The following CD8B2 variants were observed in gnomAD, a reference collection of about 807,000 sequenced individuals.
CD8B2 encodes CD8B family member 2, also known as T-cell surface glycoprotein CD8 beta-2 chain.
CD8B2 carries 11 observed loss-of-function variants against 23.7 expected under a neutral mutation model. That is an observed-to-expected ratio of 0.46 (90% CI 0.29 to 0.77). The LOEUF is 0.77. Ranked by LOEUF, CD8B2 falls within the 30% of genes least tolerant of loss-of-function variation. The pLI is 0.09. For synonymous variants in CD8B2, 90 were observed against 109.3 expected (o/e 0.82, Z 1.10); for missense variants, 197 against 270.5 (o/e 0.73, Z 1.91).
At position 106,494,030 on chromosome 2, in the gene CD8B2, C is replaced by T. The variant is rs568872671; in HGVS notation, c.404-2143C>T. 7.6e-4 allele frequency among the ~76,000 whole-genome samples: 115 copies of T among 152,282 alleles called. No homozygotes were observed. The South Asian group carries it at 0.022, about 29-fold the overall frequency. On this transcript the variant is annotated intron_variant, in intron 2 of 5. Coordinates refer to ENST00000643224, the MANE Select transcript of CD8B2 (RefSeq NM_001349727.2). Reference sequence around the variant, plus strand: ...GCAGACAAACAGATCGTGTTCTCTCCGCTTTCCAGAGGAGGCTCAGAGAGG... The same window carrying T: ...GCAGACAAACAGATCGTGTTCTCTCTGCTTTCCAGAGGAGGCTCAGAGAGG...
At chr2:106,505,588 C>T (rs1255696972) in intron 5 of CD8B2, among the ~76,000 whole-genome samples, 1 of 152,152 alleles carries the variant, frequency 6.6e-6, no homozygotes, top group Admixed American at 6.5e-5. Context: ...AACGGACAAA[C>T]AAAATGTATT....
At chr2:106,516,916 A>C (rs973639634) in intron 5 of CD8B2, among the ~76,000 whole-genome samples, 1 of 148,340 alleles carries the variant, frequency 6.7e-6, no homozygotes, top group African/African-American at 2.4e-5. Context: ...ATAATATATG[A>C]AATAGTATAT....
chr2:106,539,886 G>C (rs1019298055), intron 5 of CD8B2, among the ~76,000 whole-genome samples: 4 of 152,148 alleles, frequency 2.6e-5, no homozygotes, highest in Admixed American at 2.6e-4. Context: ...CACTGTTCCC[G>C]TCACTGAATC....
In CD8B2 at chr2:106,498,622, G is replaced by A. The variant is rs187509860; in HGVS notation, c.493+2360G>A. Among the ~76,000 whole-genome samples the A allele has an allele frequency of 2.0e-3, 312 of 152,236 alleles. 1 individual carries two copies. Among genetic ancestry groups the A allele is most frequent in the Non-Finnish European group, 3.9e-3 (265 of 68,020 alleles). On this transcript the variant is annotated intron_variant, in intron 3 of 5. Coordinates refer to ENST00000643224, the MANE Select transcript of CD8B2 (RefSeq NM_001349727.2). ...GTTACACTGAGGAGAGTGGCCCTGG[G>A]TCAGTGTAGCCTAGTGGCAAGTCAG...
chr2:106,530,728 G>A (rs932166342), intron 5 of CD8B2, among the ~76,000 whole-genome samples: 3 of 152,182 alleles, frequency 2.0e-5, no homozygotes, highest in African/African-American at 7.2e-5. Context: ...CACAGGATGA[G>A]ATGGGAGGTT....
At chr2:106,500,521 A>AAAATAAAT (rs61641919) in intron 3 of CD8B2, among the ~76,000 whole-genome samples, 22,093 of 139,260 alleles carry the variant, frequency 0.16, 412 homozygotes, top group African/African-American at 0.2. Flanking sequence ...CTCCGTCTCA[A>AAAATAAAT]AAATAAATAA....
rs1294225353 is a variant in CD8B2, at chr2:106,491,166, C to A, written c.336C>A (p.Gly112=). 5.0e-6 allele frequency: 8 copies of A among 1,613,802 alleles called. No individual in the cohort carries two copies. Among genetic ancestry groups the A allele is most frequent in the Non-Finnish European group, 6.8e-6 (8 of 1,179,810 alleles). The change falls in exon 2 of 6, where the codon GGC becomes GGA. Residue 112 remains glycine (G), a synonymous_variant. Transcript: ENST00000643224. ...NLTSVKPEDS[G]IYFCMIVGSP... ...CAAGCGTGAAGCCGGAGGACAGTGG[C>A]ATCTACTTCTGCATGATCGTCGGGA...
intron 5 of CD8B2, among the ~76,000 whole-genome samples, chr2:106,519,936 C>T (rs1464623048): frequency 6.6e-6 from 1 of 152,138 alleles, no homozygotes; most frequent in African/African-American, 2.4e-5. Context: ...CCATTCTGTT[C>T]CGCTTGATAG....
Position 106,488,460 on chromosome 2 carries a change from T to C in CD8B2, c.43+991T>C, listed in dbSNP as rs556514911. Among the ~76,000 whole-genome samples, 71 of 152,022 alleles carry C rather than the reference T, an allele frequency of 4.7e-4. No homozygotes were observed. In the South Asian group the frequency reaches 6.3e-3, roughly 13 times the overall value. ...GTGGGTCCCGGGAAGAGCCGGGGTG[T>C]GTCTCAGCCAGGAGAGGAAATGCAC... On this transcript the variant is annotated intron_variant, in intron 1 of 5. Coordinates refer to ENST00000643224, the MANE Select transcript of CD8B2 (RefSeq NM_001349727.2).
intron 2 of CD8B2, among the ~76,000 whole-genome samples, chr2:106,495,530 C>T (rs980262096): frequency 6.6e-5 from 10 of 152,072 alleles, no homozygotes; most frequent in Non-Finnish European, 1.3e-4. Flanking sequence ...CAGAGCGAGA[C>T]TTTGTCTCAA....
rs575386870 is a variant in CD8B2 at position 106,537,115 on chromosome 2, T to C, written c.621-6877T>C. Among the ~76,000 whole-genome samples the C allele has an allele frequency of 6.4e-4, 97 of 152,304 alleles. 1 individual carries two copies. The highest frequency in any genetic ancestry group is 2.2e-3 in the African/African-American group (93 of 41,572). On this transcript the variant is annotated intron_variant, in intron 5 of 5. Transcript: ENST00000416057. ...CCACCCCATCAGCAGGGAAAACCGA[T>C]GTGGGAGAGGAAGACAGGACATGTG...
At chr2:106,505,946 A>G (rs1056181364) in intron 5 of CD8B2, among the ~76,000 whole-genome samples, 11 of 152,164 alleles carry the variant, frequency 7.2e-5, no homozygotes, top group Non-Finnish European at 1.3e-4. Context: ...AGCCTGGCCA[A>G]CATGGTGAAA....
chr2:106,539,845 T>G (rs1680145199), intron 5 of CD8B2, among the ~76,000 whole-genome samples: 1 of 152,212 alleles, frequency 6.6e-6, no homozygotes, highest in South Asian at 2.1e-4. Context: ...AAGTGTATTC[T>G]CCTACTGCTG....
intron 5 of CD8B2, among the ~76,000 whole-genome samples, chr2:106,540,548 G>A (rs559706078): frequency 6.6e-6 from 1 of 151,958 alleles, no homozygotes; most frequent in African/African-American, 2.4e-5. Context: ...AGTAAATCAA[G>A]CAAATAATCA....
chr2:106,530,684 A>G (rs190375041), intron 5 of CD8B2, among the ~76,000 whole-genome samples: 20 of 152,260 alleles, frequency 1.3e-4, no homozygotes, highest in African/African-American at 4.6e-4. Flanking sequence ...GAGACCTGCT[A>G]GGCTGCATTC....
chr2:106,503,340 C>T (rs1015513851), intron 4 of CD8B2, among the ~76,000 whole-genome samples: 2 of 151,960 alleles, frequency 1.3e-5, no homozygotes, highest in African/African-American at 4.8e-5. Flanking sequence ...GGTCACAGAC[C>T]CCTTTGAACA....
chr2:106,537,731 C>T (rs1314164446), intron 5 of CD8B2, among the ~76,000 whole-genome samples: 1 of 152,166 alleles, frequency 6.6e-6, no homozygotes, highest in East Asian at 1.9e-4. Context: ...TTCTAAAAGC[C>T]CTTGCAGAGG....
intron 1 of CD8B2, among the ~76,000 whole-genome samples, chr2:106,489,382 G>A (rs1374912860): frequency 6.6e-6 from 1 of 151,850 alleles, no homozygotes; most frequent in Non-Finnish European, 1.5e-5. Flanking sequence ...CATTTCATCA[G>A]TGTTGGAGAA....
chr2:106,490,782 C>G, intron 1 of CD8B2, 92 bp from the exon 2 acceptor site: 2 of 1,525,610 alleles, frequency 1.3e-6, no homozygotes, highest in Non-Finnish European at 1.8e-6. Flanking sequence ...TCTTCCATGG[C>G]TTTTCCTTTG....
Sources: gnomAD v4.1 joint callset for allele counts (sites outside exome capture counted in the v4.1 genomes callset) on GRCh38, gnomAD v4.1.1 for gene constraint, MANE v1.5 for transcripts, NCBI Gene and HGNC (gene_info 2026-07-23, HGNC 2026-07-21) for gene names.